The following MAST4 variants were observed in gnomAD, a reference collection of about 807,000 sequenced individuals.
MAST4 encodes the protein microtubule associated serine/threonine kinase family member 4.
In MAST4, 89 loss-of-function variants were observed where a neutral mutation model predicts 162.7. That is an observed-to-expected ratio of 0.55 (90% confidence interval 0.46 to 0.65). The LOEUF (loss-of-function observed/expected upper bound fraction) is 0.65, where lower values mean the gene tolerates loss of function less well. MAST4 is among the 30% of genes least tolerant of loss of function. The pLI is 0.00. For missense variants in MAST4, 3,153 were observed against 3,374.0 expected, an observed-to-expected ratio of 0.93 and a Z score of 1.62; for synonymous variants, 1,479 against 1,361.1, an observed-to-expected ratio of 1.09 and a Z score of -1.91.
At chr5:66,620,256 G>A (rs976089996) in intron 1 of MAST4, among the ~76,000 whole-genome samples, 4 of 152,058 alleles carry the variant, frequency 2.6e-5, no homozygotes, top group Admixed American at 6.6e-5. Flanking sequence ...TGTATTGCAT[G>A]TAAATATTTG....
intron 3 of MAST4, among the ~76,000 whole-genome samples, chr5:66,879,471 T>G (rs1561408167): frequency 6.6e-6 from 1 of 152,096 alleles, no homozygotes; most frequent in Non-Finnish European, 1.5e-5. Flanking sequence ...AAAAGTATTT[T>G]GCAGCTATGC....
chr5:66,810,903 G>C (rs1343062141), intron 3 of MAST4, among the ~76,000 whole-genome samples: 1 of 152,188 alleles, frequency 6.6e-6, no homozygotes, highest in Non-Finnish European at 1.5e-5. Context: ...GTCTCCAGAG[G>C]ACTTCCCTGT....
chr5:67,160,512 T>C lies in MAST4; in HGVS notation c.3705T>C (p.Thr1235=). ...CATTTGAAAACACATCAATCAAAAC[T>C]GGACCAGCCAGGAGAAACAGCTATA... ...TTPFENTSIK[T]GPARRNSYKS... Residue 1235 remains threonine (T), a synonymous_variant, in exon 27 of 29, where the codon ACT becomes ACC. Coordinates refer to ENST00000403625, the MANE Select transcript of MAST4 (RefSeq NM_001164664.2). The C allele has an allele frequency of 6.2e-7, 1 of 1,613,904 alleles. No individual in the cohort carries two copies. Among genetic ancestry groups the C allele is most frequent in the Non-Finnish European group, 8.5e-7 (1 of 1,179,866 alleles).
intron 1 of MAST4, among the ~76,000 whole-genome samples, chr5:66,640,943 T>TTTTGATTTA (rs1745451977): frequency 6.6e-6 from 1 of 152,166 alleles, no homozygotes; most frequent in Admixed American, 6.5e-5. Context: ...CTCATTGTGG[T>TTTTGATTTA]TTTGATTTAC....
intron 1 of MAST4, among the ~76,000 whole-genome samples, chr5:66,711,831 C>T (rs534754873): frequency 6.6e-6 from 1 of 152,090 alleles, no homozygotes; most frequent in East Asian, 1.9e-4. Flanking sequence ...TGAGACTCTG[C>T]CCCCCACCCC....
At chr5:66,837,892 A>G (rs1421394194) in intron 3 of MAST4, among the ~76,000 whole-genome samples, 1 of 35,028 alleles carries the variant, frequency 2.9e-5, no homozygotes, top group Non-Finnish European at 4.7e-5. Flanking sequence ...ATATATATAT[A>G]TATTTTTTTT....
intron 1 of MAST4, among the ~76,000 whole-genome samples, chr5:66,644,647 C>T (rs1745704494): frequency 6.6e-6 from 1 of 151,944 alleles, no homozygotes. Context: ...TCCAAACTGA[C>T]ACTATACAGT....
chr5:67,154,415 CTTAT>C (rs994483993), intron 26 of MAST4, among the ~76,000 whole-genome samples: 4 of 152,120 alleles, frequency 2.6e-5, no homozygotes, highest in Admixed American at 6.5e-5. Flanking sequence ...TATACATTTG[CTTAT>C]TTTGCTGAGA....
chr5:66,713,143 T>G (rs1445303545), intron 1 of MAST4, among the ~76,000 whole-genome samples: 1 of 152,216 alleles, frequency 6.6e-6, no homozygotes, highest in Non-Finnish European at 1.5e-5. Flanking sequence ...CTTTGTTTTT[T>G]TGTTTTTGTT....
At chr5:66,634,494 T>A (rs971305004) in intron 1 of MAST4, among the ~76,000 whole-genome samples, 3 of 152,236 alleles carry the variant, frequency 2.0e-5, no homozygotes, top group African/African-American at 7.2e-5. Flanking sequence ...TGTTGTTGTT[T>A]TGATTCTTTA....
chr5:67,045,175 T>A (rs1722091228), intron 4 of MAST4, among the ~76,000 whole-genome samples: 4 of 152,240 alleles, frequency 2.6e-5, no homozygotes, highest in Admixed American at 2.6e-4. Context: ...ATCTTTTTTC[T>A]ATGTTCTTCT....
rs182493464 is a variant in MAST4, at chr5:66,715,692, A to T, written c.364-44017A>T. Among the ~76,000 whole-genome samples the T allele has an allele frequency of 2.7e-3, 403 of 150,998 alleles. 1 individual carries two copies. The highest frequency in any genetic ancestry group is 4.5e-3 in the Non-Finnish European group (302 of 67,834). On this transcript the variant is annotated intron_variant, in intron 1 of 28. Transcript: ENST00000403625. ...TAATAATAATAAAATAAAAATTAAA[A>T]AAAAAATTTAACCTGAAAGACTGGT...
intron 1 of MAST4, among the ~76,000 whole-genome samples, chr5:66,615,023 T>G (rs1165903123): frequency 6.6e-6 from 1 of 152,216 alleles, no homozygotes. Context: ...TGTAAGGCCT[T>G]GCCTTGGGGA....
At chr5:67,071,528 G>A (rs1048747467) in intron 5 of MAST4, among the ~76,000 whole-genome samples, 3 of 152,128 alleles carry the variant, frequency 2.0e-5, no homozygotes, top group Admixed American at 6.5e-5. Flanking sequence ...CAAGGGGGGG[G>A]CGGGGTGTAT....
chr5:67,099,742 A>G (rs1340683413), intron 7 of MAST4, among the ~76,000 whole-genome samples: 2 of 152,074 alleles, frequency 1.3e-5, no homozygotes, highest in African/African-American at 2.4e-5. Flanking sequence ...TCCTTGTTCC[A>G]AATGTTGAAT....
chr5:67,042,876 T>C (rs1457853453), intron 4 of MAST4, among the ~76,000 whole-genome samples: 1 of 152,222 alleles, frequency 6.6e-6, no homozygotes, highest in Admixed American at 6.5e-5. Context: ...CTGGTGTCGG[T>C]TTCTTATATT....
intron 10 of MAST4, among the ~76,000 whole-genome samples, chr5:67,106,433 G>T (rs973403525): frequency 6.6e-6 from 1 of 152,074 alleles, no homozygotes; most frequent in African/African-American, 2.4e-5. Context: ...CATCTATCCA[G>T]TCACCTGCTA....
rs561762293 is a variant in MAST4, at chr5:66,803,675, T to C, written c.642+14881T>C. Reference sequence around the variant, plus strand: ...TAATGTATGGGAATTCAGTTGGCTTTATTAAATTAAGATTACTAATTTATA... The same window carrying C: ...TAATGTATGGGAATTCAGTTGGCTTCATTAAATTAAGATTACTAATTTATA... On this transcript the variant is annotated intron_variant, in intron 3 of 28. Coordinates refer to ENST00000403625, the MANE Select transcript of MAST4 (RefSeq NM_001164664.2). 2.6e-5 allele frequency among the ~76,000 whole-genome samples: 4 copies of C among 152,350 alleles called. No individual in the cohort carries two copies. The South Asian group carries it at 8.3e-4, about 32-fold the overall frequency.
In MAST4 at chr5:67,166,880, A is replaced by G; in HGVS notation, c.7701A>G (p.Pro2567=). The G allele has an allele frequency of 6.2e-7, 1 of 1,609,520 alleles. No homozygotes were observed. ...AAACCAAAGGGAAGGACCCTGCCCC[A>G]GCCCAGCCTCCCCCAGCTAGGAAAC... The part of the protein sequence containing the change: ...VGETKGKDPA[P]AQPPPARKQN... Residue 2567 remains proline (P), a synonymous_variant, in exon 29 of 29, where the codon CCA becomes CCG. Transcript: ENST00000403625.
Sources: allele counts gnomAD v4.1 joint callset (sites outside exome capture counted in the v4.1 genomes callset), GRCh38; gene constraint gnomAD v4.1.1; transcripts MANE v1.5; gene names NCBI Gene and HGNC (gene_info 2026-07-23, HGNC 2026-07-21).